DUOXA1: variants seen among roughly 807,000 people sequenced by gnomAD.
The protein encoded by DUOXA1 is dual oxidase maturation factor 1, also known as dual oxidase activator 1.
Under a neutral mutation model 26.6 loss-of-function variants are expected in DUOXA1, and 19 were observed. That is an observed-to-expected ratio of 0.71 (90% CI 0.50 to 1.05). The LOEUF (loss-of-function observed/expected upper bound fraction) is 1.05. DUOXA1 is among the 50% of genes least tolerant of loss of function. DUOXA1 has a pLI of 0.00. For synonymous variants in DUOXA1, 166 were observed against 177.0 expected (o/e 0.94, Z 0.49); for missense variants, 403 against 427.5 (o/e 0.94, Z 0.51).
intron 3 of DUOXA1, 76 bp from the exon 4 acceptor site, chr15:45,123,119 C>T (rs1279939185): frequency 7.3e-7 from 1 of 1,364,610 alleles, no homozygotes; most frequent in Non-Finnish European, 9.6e-7. Context: ...AGATACAGCA[C>T]AGAATGAGCC....
Position 45,122,196 on chromosome 15 carries a change from G to A in DUOXA1, c.194C>T (p.Ala65Val), listed in dbSNP as rs765461051. ...CACTTCGCACTCACCCAGGATTGCA[G>A]CCCCGATGAATAAGCTGGTCACCAC... Reference protein sequence around the residue: ...LRVVTSLFIGAAILAVNFSSE... With the variant: ...LRVVTSLFIGVAILAVNFSSE... The change falls in exon 5 of 9, where the codon GCT becomes GTT. Residue 65 changes from alanine to valine, a missense_variant. Ala to Val is a moderately conservative substitution (Grantham distance 64). Transcript: ENST00000560572. 1.4e-5 allele frequency: 22 copies of A among 1,603,776 alleles called. No individual in the cohort carries two copies. Among genetic ancestry groups the A allele is most frequent in the Non-Finnish European group, 1.8e-5 (21 of 1,175,102 alleles).
intron 3 of DUOXA1, among the ~76,000 whole-genome samples, chr15:45,127,667 C>T (rs1895783605): frequency 6.6e-6 from 1 of 152,160 alleles, no homozygotes; most frequent in Admixed American, 6.5e-5. Flanking sequence ...CCCCACACCC[C>T]ACAGTCCTGC....
intron 3 of DUOXA1, among the ~76,000 whole-genome samples, chr15:45,124,379 G>C (rs1190154033): frequency 6.6e-6 from 1 of 152,030 alleles, no homozygotes; most frequent in Non-Finnish European, 1.5e-5. Context: ...AAACAAATAA[G>C]CTATCAAGTT....
intron 4 of DUOXA1, among the ~76,000 whole-genome samples, chr15:45,122,599 A>G (rs1046024949): frequency 6.6e-6 from 1 of 151,238 alleles, no homozygotes; most frequent in African/African-American, 2.4e-5. Context: ...CTATAAACCC[A>G]GGCTGGCCTC....
Position 45,122,157 on chromosome 15 carries a change from G to A in DUOXA1, c.205+28C>T, listed in dbSNP as rs375534676. 8 of 1,581,466 alleles carry A rather than the reference G, an allele frequency of 5.1e-6. No individual in the cohort carries two copies. In the African/African-American group the frequency reaches 1.1e-4, roughly 21 times the overall value. ...GGGAGTTGAAGGGATGGAGGCAGCA[G>A]CCCAAGTCAGCTGCACTTCGCACTC... On this transcript the variant is annotated intron_variant, in intron 5 of 8. Transcript: ENST00000560572.
intron 4 of DUOXA1, 47 bp from the exon 5 acceptor site, chr15:45,122,289 C>T: frequency 6.4e-7 from 1 of 1,553,368 alleles, no homozygotes; most frequent in Non-Finnish European, 8.8e-7. Flanking sequence ...CTTCCTTCCA[C>T]ATCTACCCTT....
At position 45,117,620 on chromosome 15, in the gene DUOXA1, G is replaced by A. The variant is rs765767945; in HGVS notation, c.*1486C>T. The stretch of plus-strand genomic sequence containing the variant: ...AATCCCAGCACTTTGGGAGGTCGAG[G>A]CAGGAAGGTCGTTTGAGGCCAGAGT... On this transcript the variant is annotated 3_prime_UTR_variant, in exon 9 of 9. Transcript: ENST00000560572. 5 of 1,613,616 alleles carry A rather than the reference G, an allele frequency of 3.1e-6. No individual in the cohort carries two copies. In the Admixed American group the frequency reaches 5.0e-5, roughly 16 times the overall value.
rs775613764 is a variant in DUOXA1 at position 45,120,634 on chromosome 15, C to T, written c.512G>A (p.Arg171His). The T allele has an allele frequency of 5.1e-5, 82 of 1,613,986 alleles. No homozygotes were observed. Among genetic ancestry groups the T allele is most frequent in the South Asian group, 6.6e-5 (6 of 91,076 alleles). Residue 171 changes from arginine to histidine, a missense_variant, in exon 7 of 9, where the codon CGC becomes CAC. Coordinates refer to ENST00000560572, the MANE Select transcript of DUOXA1 (RefSeq NM_001276266.2). ...GTAGTGTCCCGCCAGGCGGTACTGG[C>T]GGTATAGGCCACATGGGCTTCTTGG... ...FTPRSPCGLY[R>H]QYRLAGHYTS...
At chr15:45,122,368 G>T (rs1895299967) in intron 4 of DUOXA1, 126 bp from the exon 5 acceptor site, 3 of 884,670 alleles carry the variant, frequency 3.4e-6, no homozygotes, top group Middle Eastern at 2.1e-4. Context: ...TGAAATCAGA[G>T]TGTCTGGCAC....
chr15:45,122,224 G>T lies in DUOXA1; in HGVS notation c.166C>A (p.Arg56=), dbSNP rs117062041. The T allele has an allele frequency of 1.9e-6, 3 of 1,604,716 alleles. No individual in the cohort carries two copies. In the South Asian group the frequency reaches 3.4e-5, roughly 18 times the overall value. ...RGKTRLFWLL[R]VVTSLFIGAA... is the part of the protein sequence containing the mutation. The stretch of plus-strand genomic sequence containing the variant: ...CCGATGAATAAGCTGGTCACCACCC[G>T]AAGCAGCCAGAACAGCCTCTGAGTC... Residue 56 remains arginine, a synonymous_variant, in exon 5 of 9, where the codon CGG becomes AGG. Transcript: ENST00000560572.
At chr15:45,120,505 C>G (rs1000747176) in intron 7 of DUOXA1, 87 bp downstream of exon 7, 5 of 1,519,054 alleles carry the variant, frequency 3.3e-6, no homozygotes, top group Non-Finnish European at 4.6e-6. Context: ...CCTGAGATAC[C>G]CACATGAGTG....
intron 3 of DUOXA1, chr15:45,128,754 A>T (rs1238715954): frequency 2.0e-5 from 3 of 152,224 alleles, no homozygotes; most frequent in Non-Finnish European, 2.9e-5. Flanking sequence ...GACTCGAGTT[A>T]AACTGGGATG....
Position 45,117,767 on chromosome 15 carries a change from G to C in DUOXA1, c.*1339C>G, listed in dbSNP as rs750438741. 8.7e-6 allele frequency: 14 copies of C among 1,613,772 alleles called. No homozygotes were observed. Among genetic ancestry groups the C allele is most frequent in the Non-Finnish European group, 1.2e-5 (14 of 1,179,876 alleles). On this transcript the variant is annotated 3_prime_UTR_variant, in exon 9 of 9. Coordinates refer to ENST00000560572, the MANE Select transcript of DUOXA1 (RefSeq NM_001276266.2). ...GCCGTGGTGAGTCTCCAGTATGTTC[G>C]GCCCAGCGCTCTTCGCACCCTTCTG...
Position 45,117,534 on chromosome 15 carries a change from C to G in DUOXA1, c.*1572G>C, listed in dbSNP as rs61751061. 143,068 of 1,560,270 alleles carry G rather than the reference C, an allele frequency of 0.092. 11,530 individuals carry two copies. The highest frequency in any genetic ancestry group is 0.43 in the African/African-American group (31,459 of 73,224). On this transcript the variant is annotated 3_prime_UTR_variant, in exon 9 of 9. Coordinates refer to ENST00000560572, the MANE Select transcript of DUOXA1 (RefSeq NM_001276266.2). The stretch of plus-strand genomic sequence containing the variant: ...TGTAATTCAGATTAGAGGTGTGTGG[C>G]GGGAGGTAACACAAGGGGTAGGCTC...
At chr15:45,128,348 T>C (rs1895851708) in intron 3 of DUOXA1, among the ~76,000 whole-genome samples, 2 of 152,358 alleles carry the variant, frequency 1.3e-5, no homozygotes, top group Non-Finnish European at 1.5e-5. Flanking sequence ...CTCCCCCATC[T>C]GCTGGAAACT....
chr15:45,120,855 G>A (rs368844188), intron 6 of DUOXA1, 50 bp from the exon 7 acceptor site: 25 of 1,594,214 alleles, frequency 1.6e-5, no homozygotes, highest in Non-Finnish European at 1.9e-5. Context: ...GCCAGAGTGG[G>A]GCCTAGGTAG....
rs759472083 is a variant in DUOXA1, at chr15:45,120,275, C to G, written c.600G>C (p.Met200Ile). The change falls in exon 8 of 9, where the codon ATG (methionine) becomes ATC (isoleucine). Residue 200 changes from methionine (M) to isoleucine (I), a missense_variant. Transcript: ENST00000560572. ...CWLLANVMLSMPVLVYGGYML... is the reference protein window; with the variant it reads ...CWLLANVMLSIPVLVYGGYML... ...TGTAGCCACCATATACCAGCACAGG[C>G]ATGGAGAGCATCACATTGGCCAGCA... is the stretch of plus-strand genomic sequence containing the variant. 3 of 1,614,128 alleles carry G rather than the reference C, an allele frequency of 1.9e-6. No homozygotes were observed. Among genetic ancestry groups the G allele is most frequent in the Non-Finnish European group, 2.5e-6 (3 of 1,180,012 alleles).
intron 5 of DUOXA1, among the ~76,000 whole-genome samples, chr15:45,121,583 T>C (rs1895213051): frequency 6.6e-6 from 1 of 152,216 alleles, no homozygotes; most frequent in East Asian, 1.9e-4. Flanking sequence ...GGCACCATCT[T>C]GGTTCACTGC....
At chr15:45,122,819 T>C in intron 4 of DUOXA1, 49 bp downstream of exon 4, 1 of 1,555,782 alleles carries the variant, frequency 6.4e-7, no homozygotes, top group Non-Finnish European at 8.7e-7. Flanking sequence ...CCCCTCAGCC[T>C]GAGGCTGAGG....
Sources: gnomAD v4.1 joint callset for allele counts (sites outside exome capture counted in the v4.1 genomes callset) on GRCh38, gnomAD v4.1.1 for gene constraint, MANE v1.5 for transcripts, NCBI Gene and HGNC (gene_info 2026-07-23, HGNC 2026-07-21) for gene names.